IGF1R: variants seen among roughly 807,000 people sequenced by gnomAD.
The protein encoded by IGF1R is insulin-like growth factor 1 receptor.
Under a neutral mutation model 144.6 loss-of-function variants are expected in IGF1R, and 44 were observed. That is an observed-to-expected ratio of 0.30 (90% CI 0.24 to 0.39). IGF1R has a LOEUF of 0.39. Ranked by LOEUF, IGF1R falls within the 10% of genes least tolerant of loss-of-function variation. The pLI is 1.00. For synonymous variants in IGF1R, 795 were observed against 722.8 expected, an observed-to-expected ratio of 1.10 and a Z score of -1.60; for missense variants, 1,355 against 1,833.7, an observed-to-expected ratio of 0.74 and a Z score of 4.77.
chr15:98,651,571 A>T (rs946589076), intron 1 of IGF1R, among the ~76,000 whole-genome samples: 2 of 152,236 alleles, frequency 1.3e-5, no homozygotes, highest in African/African-American at 2.4e-5. Context: ...TAATGTTCTG[A>T]AATTCAAAAC....
intron 2 of IGF1R, among the ~76,000 whole-genome samples, chr15:98,716,771 C>A (rs907812): frequency 7.8e-6 from 1 of 127,866 alleles, no homozygotes; most frequent in African/African-American, 3.1e-5. Context: ...CTTCTGGGGC[C>A]GGTGGAAAGG....
At chr15:98,739,414 A>G (rs192905884) in intron 2 of IGF1R, among the ~76,000 whole-genome samples, 2 of 152,216 alleles carry the variant, frequency 1.3e-5, no homozygotes, top group Admixed American at 1.3e-4. Context: ...TTCAGAGTCA[A>G]AGTATCACTG....
At chr15:98,680,545 C>T (rs1237236883) in intron 1 of IGF1R, among the ~76,000 whole-genome samples, 1 of 151,978 alleles carries the variant, frequency 6.6e-6, no homozygotes, top group Non-Finnish European at 1.5e-5. Context: ...GGATTACAGG[C>T]GTGAGCCACC....
chr15:98,729,752 C>G lies in IGF1R; in HGVS notation c.640+21645C>G, dbSNP rs148769782. Among the ~76,000 whole-genome samples, 183 of 152,230 alleles carry G rather than the reference C, an allele frequency of 1.2e-3. 2 individuals carry two copies. The highest frequency in any genetic ancestry group is 4.2e-3 in the African/African-American group (176 of 41,502). Reference sequence around the variant, plus strand: ...GATTCGCCTTCATCCTCTTGAAGAGCCCTAACAGTAGGTCCTGGCTGGGGT... The same window carrying G: ...GATTCGCCTTCATCCTCTTGAAGAGGCCTAACAGTAGGTCCTGGCTGGGGT... On this transcript the variant is annotated intron_variant, in intron 2 of 20. Transcript: ENST00000650285.
intron 2 of IGF1R, among the ~76,000 whole-genome samples, chr15:98,779,485 C>T (rs1409294397): frequency 3.3e-5 from 5 of 152,176 alleles, no homozygotes; most frequent in African/African-American, 1.2e-4. Flanking sequence ...CTGCTATTCC[C>T]ACCGTACAGA....
chr15:98,947,341 A>G (rs1048384800), intron 19 of IGF1R, among the ~76,000 whole-genome samples: 1 of 152,218 alleles, frequency 6.6e-6, no homozygotes, highest in Admixed American at 6.5e-5. Flanking sequence ...TACAGTCAGG[A>G]GCACTGTGGG....
chr15:98,948,559 T>C lies in IGF1R; in HGVS notation c.3588-15T>C, dbSNP rs1254802423. The C allele has an allele frequency of 6.2e-7, 1 of 1,613,492 alleles. No individual in the cohort carries two copies. The highest frequency in any genetic ancestry group is 1.7e-5 in the Admixed American group (1 of 60,020). On this transcript the variant is annotated splice_polypyrimidine_tract_variant and intron_variant, in intron 19 of 20. Coordinates refer to ENST00000650285, the MANE Select transcript of IGF1R (RefSeq NM_000875.5). ...ATCCCTTTCCAAGCTCCTCACAGTT[T>C]TTTTCTCCCTGTAGGTCCTTCGGGG...
chr15:98,760,616 T>C (rs2055271785), intron 2 of IGF1R, among the ~76,000 whole-genome samples: 1 of 152,160 alleles, frequency 6.6e-6, no homozygotes, highest in South Asian at 2.1e-4. Flanking sequence ...CAGGCGTGTG[T>C]GCATGTTGGC....
intron 2 of IGF1R, among the ~76,000 whole-genome samples, chr15:98,829,509 G>A (rs1264288709): frequency 2.0e-5 from 3 of 152,326 alleles, no homozygotes; most frequent in Admixed American, 2.0e-4. Context: ...AAAGAGTGGT[G>A]AACCACTTCA....
chr15:98,652,122 T>C (rs1382021010), intron 1 of IGF1R, among the ~76,000 whole-genome samples: 1 of 152,188 alleles, frequency 6.6e-6, no homozygotes, highest in East Asian at 1.9e-4. Flanking sequence ...AGAGTGTTGT[T>C]TATCTTAGAA....
rs141867155 is a variant in IGF1R, at chr15:98,924,003, A to T, written c.2613A>T (p.Ser871=). The change falls in exon 12 of 21, where the codon TCA becomes TCT. Residue 871 remains serine (S), a synonymous_variant. Coordinates refer to ENST00000650285, the MANE Select transcript of IGF1R (RefSeq NM_000875.5). ...LILMYEIKYG[S]QVEDQRECVS... is the part of the protein sequence containing the mutation. ...TAATGTATGAAATAAAATACGGATC[A>T]CAAGTTGAGGTAGGACTGGGGCAGT... 20 of 1,614,046 alleles carry T rather than the reference A, an allele frequency of 1.2e-5. No individual in the cohort carries two copies. The African/African-American group carries it at 2.4e-4, about 19-fold the overall frequency.
At chr15:98,659,270 C>T (rs921440584) in intron 1 of IGF1R, among the ~76,000 whole-genome samples, 8 of 152,136 alleles carry the variant, frequency 5.3e-5, no homozygotes, top group African/African-American at 1.9e-4. Flanking sequence ...TGGTCATCCC[C>T]CTGCAGTTTG....
In IGF1R at chr15:98,930,252, G is replaced by C; in HGVS notation, c.2903G>C (p.Gly968Ala). Residue 968 changes from glycine to alanine, a missense_variant, in exon 15 of 21, where the codon GGG (glycine) becomes GCG (alanine). Coordinates refer to ENST00000650285, the MANE Select transcript of IGF1R (RefSeq NM_000875.5). ...TTTGACAGAAATAACAGCAGGCTGG[G>C]GAATGGAGTGCTGTATGCCTCTGTG... The part of the protein sequence containing the change: ...FHRKRNNSRL[G>A]NGVLYASVNP... 6.2e-7 allele frequency: 1 copy of C among 1,613,370 alleles called. No individual in the cohort carries two copies. Among genetic ancestry groups the C allele is most frequent in the Non-Finnish European group, 8.5e-7 (1 of 1,179,524 alleles).
intron 1 of IGF1R, among the ~76,000 whole-genome samples, chr15:98,663,265 A>T (rs2052642984): frequency 6.6e-6 from 1 of 152,070 alleles, no homozygotes; most frequent in Non-Finnish European, 1.5e-5. Context: ...CAGGACCCGC[A>T]AAACAGGTTG....
intron 5 of IGF1R, among the ~76,000 whole-genome samples, chr15:98,908,400 G>T (rs1206127306): frequency 1.3e-5 from 2 of 152,234 alleles, no homozygotes; most frequent in Non-Finnish European, 2.9e-5. Flanking sequence ...TCTTGGGAAT[G>T]ATTCTAGTAA....
At chr15:98,670,495 C>T (rs2052860652) in intron 1 of IGF1R, among the ~76,000 whole-genome samples, 1 of 151,982 alleles carries the variant, frequency 6.6e-6, no homozygotes, top group Admixed American at 6.6e-5. Flanking sequence ...ATGGTTGGTT[C>T]TTAAGAGCAA....
chr15:98,830,148 C>G (rs1390516830), intron 2 of IGF1R, among the ~76,000 whole-genome samples: 1 of 152,198 alleles, frequency 6.6e-6, no homozygotes, highest in Non-Finnish European at 1.5e-5. Context: ...GCTTCACTGC[C>G]TTAGAGAAAC....
Position 98,925,274 on chromosome 15 carries a change from A to C in IGF1R, c.2782+590A>C, listed in dbSNP as rs80229379. On this transcript the variant is annotated intron_variant, in intron 13 of 20. Coordinates refer to ENST00000650285, the MANE Select transcript of IGF1R (RefSeq NM_000875.5). Reference sequence around the variant, plus strand: ...GACTGAGGAATGTGAGTTTATGCTCAAGTCATTAACAAGACAGAATTCTTA... The same window carrying C: ...GACTGAGGAATGTGAGTTTATGCTCCAGTCATTAACAAGACAGAATTCTTA... 1.9e-3 allele frequency among the ~76,000 whole-genome samples: 282 copies of C among 152,322 alleles called. 2 individuals carry two copies. The highest frequency in any genetic ancestry group is 6.3e-3 in the African/African-American group (262 of 41,568).
chr15:98,799,519 G>A (rs1470597295), intron 2 of IGF1R, among the ~76,000 whole-genome samples: 1 of 152,210 alleles, frequency 6.6e-6, no homozygotes, highest in Non-Finnish European at 1.5e-5. Flanking sequence ...CTTTGAGGAG[G>A]TTAGAGTTAT....
Sources: allele counts gnomAD v4.1 joint callset (sites outside exome capture counted in the v4.1 genomes callset), GRCh38; gene constraint gnomAD v4.1.1; transcripts MANE v1.5; gene names NCBI Gene and HGNC (gene_info 2026-07-23, HGNC 2026-07-21).